The following OPRM1 variants were observed in gnomAD, a reference collection of about 807,000 sequenced individuals.
OPRM1 encodes the protein opioid receptor mu 1.
Under a neutral mutation model 31.8 loss-of-function variants are expected in OPRM1, and 27 were observed. That is an observed-to-expected ratio of 0.85 (90% confidence interval 0.63 to 1.17). The LOEUF (loss-of-function observed/expected upper bound fraction) is 1.17. OPRM1 is among the 50% of genes most tolerant of loss of function. The probability of loss-of-function intolerance (pLI) is 0.00; values close to 1 mark genes in which losing one functional copy is unlikely to be tolerated. For synonymous variants in OPRM1, 196 were observed against 189.9 expected (o/e 1.03, Z -0.26); for missense variants, 536 against 511.1 (o/e 1.05, Z -0.47).
At chr6:154,102,230 G>A (rs2128505140) in intron 3 of OPRM1, among the ~76,000 whole-genome samples, 1 of 150,484 alleles carries the variant, frequency 6.6e-6, no homozygotes, top group Non-Finnish European at 1.5e-5. Context: ...TCCTAAAAAT[G>A]TAAATGGCCC....
In OPRM1 at chr6:154,180,414, A is replaced by ATATATT. The variant is rs1241250621; in HGVS notation, c.1165-66278_1165-66277insATATTT. Among the ~76,000 whole-genome samples, 183 of 65,198 alleles carry ATATATT rather than the reference A, an allele frequency of 2.8e-3. 2 individuals carry two copies. Among genetic ancestry groups the ATATATT allele is most frequent in the African/African-American group, 7.3e-3 (151 of 20,794 alleles). 42.8% of individuals were successfully genotyped at this position (65,198 alleles called of 152,430 possible). On this transcript the variant is annotated intron_variant, in intron 3 of 3. Coordinates refer to the OPRM1 transcript ENST00000337049. ...TATATATATATATATATATATATAT[A>ATATATT]TTTTTTTTTTAAACATGATCCTTCT... is the stretch of plus-strand genomic sequence containing the variant.
intron 1 of OPRM1, among the ~76,000 whole-genome samples, chr6:154,068,825 A>T (rs1483732282): frequency 6.6e-6 from 1 of 152,148 alleles, no homozygotes; most frequent in Non-Finnish European, 1.5e-5. Flanking sequence ...ATTTCCACCA[A>T]CATTGTGTGA....
intron 3 of OPRM1, among the ~76,000 whole-genome samples, chr6:154,238,609 G>T (rs1176819470): frequency 6.6e-6 from 1 of 151,940 alleles, no homozygotes; most frequent in African/African-American, 2.4e-5. Context: ...CTGTGTGTTT[G>T]CTTCCATGTC....
intron 1 of OPRM1, among the ~76,000 whole-genome samples, chr6:154,054,093 G>A (rs1291320491): frequency 1.3e-5 from 2 of 152,086 alleles, no homozygotes; most frequent in Non-Finnish European, 2.9e-5. Flanking sequence ...GCTTACACCG[G>A]TCTCGGTGGC....
At chr6:154,146,374 T>G (rs1227519702) in intron 3 of OPRM1, among the ~76,000 whole-genome samples, 1 of 152,180 alleles carries the variant, frequency 6.6e-6, no homozygotes, top group African/African-American at 2.4e-5. Flanking sequence ...CACTCTAGTC[T>G]GGGCAACAGA....
chr6:154,215,465 G>A (rs961642902), intron 3 of OPRM1, among the ~76,000 whole-genome samples: 2 of 152,044 alleles, frequency 1.3e-5, no homozygotes, highest in Admixed American at 1.3e-4. Flanking sequence ...AATTAGCCGG[G>A]TGTGGTGGCG....
chr6:154,220,753 C>G (rs994503586), intron 3 of OPRM1, among the ~76,000 whole-genome samples: 21 of 152,150 alleles, frequency 1.4e-4, no homozygotes, highest in Non-Finnish European at 5.9e-5. Context: ...TTTCACAGAC[C>G]ACCCTGGAAA....
rs558526588 is a variant in OPRM1, at chr6:154,146,905, G to C, written c.1164+55433G>C. Among the ~76,000 whole-genome samples the C allele has an allele frequency of 4.7e-4, 71 of 152,166 alleles. 1 individual carries two copies. The highest frequency in any genetic ancestry group is 8.5e-4 in the Admixed American group (13 of 15,274). On this transcript the variant is annotated intron_variant, in intron 3 of 3. Coordinates refer to the OPRM1 transcript ENST00000337049. ...AGGGGCATTGGGAAAGGAGGGTGGG[G>C]CGTGGGAAGTAAGCTAATTAACAAA...
intron 3 of OPRM1, among the ~76,000 whole-genome samples, chr6:154,240,376 T>A (rs748656070): frequency 1.2e-4 from 19 of 152,188 alleles, no homozygotes; most frequent in Non-Finnish European, 2.4e-4. Flanking sequence ...ATTCATAAAT[T>A]CCTATAAAAT....
At chr6:154,047,402 A>G (rs1443038660) in intron 1 of OPRM1, among the ~76,000 whole-genome samples, 1 of 152,078 alleles carries the variant, frequency 6.6e-6, no homozygotes, top group Non-Finnish European at 1.5e-5. Context: ...CGCATAACCT[A>G]AAAGCGTGAC....
intron 3 of OPRM1, among the ~76,000 whole-genome samples, chr6:154,217,959 C>A (rs1778546684): frequency 6.6e-6 from 1 of 152,162 alleles, no homozygotes; most frequent in African/African-American, 2.4e-5. Context: ...CAGCCCTTAC[C>A]CAAAACTTGT....
At chr6:154,132,821 T>C (rs975349113), downstream of OPRM1, among the ~76,000 whole-genome samples, 1 of 152,134 alleles carries the variant, frequency 6.6e-6, no homozygotes, top group African/African-American at 2.4e-5. Context: ...ATGAAAACAC[T>C]TTATGGTAAG....
intron 3 of OPRM1, among the ~76,000 whole-genome samples, chr6:154,147,997 C>T (rs1303706167): frequency 6.6e-6 from 1 of 152,210 alleles, no homozygotes; most frequent in African/African-American, 2.4e-5. Flanking sequence ...GGCTGATTCT[C>T]CATTCTCATA....
At chr6:154,155,984 G>C (rs1798698107) in intron 3 of OPRM1, 1 of 152,096 alleles carries the variant, frequency 6.6e-6, no homozygotes, top group Non-Finnish European at 1.5e-5. Context: ...AAGAGAAGAA[G>C]GTCAAAGGAC....
chr6:154,059,005 T>C (rs754453871), intron 1 of OPRM1, among the ~76,000 whole-genome samples: 1 of 152,214 alleles, frequency 6.6e-6, no homozygotes, highest in Non-Finnish European at 1.5e-5. Flanking sequence ...AATTGTTTTA[T>C]TCAATTGCAT....
chr6:154,125,639 A>T lies in OPRM1; in HGVS notation c.*6918A>T, dbSNP rs1220812121. 1.3e-5 allele frequency among the ~76,000 whole-genome samples: 2 copies of T among 152,166 alleles called. No homozygotes were observed. The highest frequency in any genetic ancestry group is 2.9e-5 in the Non-Finnish European group (2 of 68,032). On this transcript the variant is annotated 3_prime_UTR_variant, in exon 4 of 4. Transcript: ENST00000330432. ...AAGGTGGTTTCCAATATTACCTACA[A>T]CTTCCTTTGCAATTTGATTTTTGAA...
chr6:154,146,034 A>G (rs1418730262), intron 3 of OPRM1, among the ~76,000 whole-genome samples: 4 of 152,222 alleles, frequency 2.6e-5, no homozygotes, highest in Non-Finnish European at 5.9e-5. Flanking sequence ...AGAAGGCAAT[A>G]TTTGCATGGG....
chr6:154,232,082 A>G (rs993194365), intron 3 of OPRM1, among the ~76,000 whole-genome samples: 5 of 152,178 alleles, frequency 3.3e-5, no homozygotes, highest in Non-Finnish European at 7.4e-5. Context: ...AAAATTGCAC[A>G]GAATCTAAAG....
At chr6:154,145,434 G>A (rs1376496757) in intron 3 of OPRM1, among the ~76,000 whole-genome samples, 2 of 152,192 alleles carry the variant, frequency 1.3e-5, no homozygotes, top group African/African-American at 4.8e-5. Context: ...TGAAATAGGT[G>A]TTAATCTAAT....
Sources: allele counts gnomAD v4.1 joint callset (sites outside exome capture counted in the v4.1 genomes callset), GRCh38; gene constraint gnomAD v4.1.1; transcripts MANE v1.5; gene names NCBI Gene and HGNC (gene_info 2026-07-23, HGNC 2026-07-21).